CDC37: variants seen among roughly 807,000 people sequenced by gnomAD.
CDC37 encodes the protein cell division cycle 37, HSP90 cochaperone, also known as hsp90 co-chaperone Cdc37.
In CDC37, 9 loss-of-function variants were observed where a neutral mutation model predicts 46.9. That is an observed-to-expected ratio of 0.19 (90% CI 0.12 to 0.33). The LOEUF is 0.33. CDC37 is among the 10% of genes least tolerant of loss of function. CDC37 has a pLI of 1.00. For missense variants in CDC37, 388 were observed against 514.6 expected (o/e 0.75, Z 2.38); for synonymous variants, 193 against 191.0 (o/e 1.01, Z -0.09).
Position 10,396,090 on chromosome 19 carries a change from C to T in CDC37, c.216G>A (p.Glu72=). 1 of 1,614,092 alleles carries T rather than the reference C, an allele frequency of 6.2e-7. No homozygotes were observed. The highest frequency in any genetic ancestry group is 8.5e-7 in the Non-Finnish European group (1 of 1,179,982). The stretch of plus-strand genomic sequence containing the variant: ...GCTCTGCCTTGCCGCCCTCGGCCAC[C>T]TCCAGCTCCTTCAGTTTCCTCTGGC... ...AECQRKLKEL[E]VAEGGKAELE... The change falls in exon 2 of 8, where the codon GAG becomes GAA. Residue 72 remains glutamate (E), a synonymous_variant. Transcript: ENST00000222005. The surrounding 1 kb of genome is among the most constrained non-coding windows in gnomAD (Gnocchi z 5.9).
In CDC37 at chr19:10,398,161, A is replaced by G. The variant is rs1429432487; in HGVS notation, c.103-1958T>C. 6.6e-6 allele frequency among the ~76,000 whole-genome samples: 1 copy of G among 152,176 alleles called. No individual in the cohort carries two copies. Among genetic ancestry groups the G allele is most frequent in the Non-Finnish European group, 1.5e-5 (1 of 68,018 alleles). On this transcript the variant is annotated intron_variant, in intron 1 of 7. Transcript: ENST00000222005. The surrounding 1 kb of genome is among the most constrained non-coding windows in gnomAD (Gnocchi z 4.2). ...AGCCCATGCATTTGACCACGTGACC[A>G]GAGTCCTCCCCACTACATCTTGGGG...
intron 7 of CDC37, chr19:10,392,714 A>G (rs2042464125): frequency 1.8e-5 from 5 of 273,256 alleles, no homozygotes; most frequent in Non-Finnish European, 3.5e-5. Flanking sequence ...CTCAAAAACA[A>G]GTAGACAAAA....
rs1275665661 is a variant in CDC37, at chr19:10,396,710, A to G, written c.103-507T>C. 6.6e-6 allele frequency among the ~76,000 whole-genome samples: 1 copy of G among 152,086 alleles called. No individual in the cohort carries two copies. The highest frequency in any genetic ancestry group is 6.6e-5 in the Admixed American group (1 of 15,264). On this transcript the variant is annotated intron_variant, in intron 1 of 7. Transcript: ENST00000222005. The surrounding 1 kb of genome is among the most constrained non-coding windows in gnomAD (Gnocchi z 5.9). The stretch of plus-strand genomic sequence containing the variant: ...CTCAGTCTCCCAAGTAGCTGGGACT[A>G]CAGGTGTGCACCAGCACGCCCAGCT...
In CDC37 at chr19:10,393,428, T is replaced by C. The variant is rs753516808; in HGVS notation, c.740A>G (p.Gln247Arg). The C allele has an allele frequency of 6.2e-7, 1 of 1,612,392 alleles. No individual in the cohort carries two copies. The highest frequency in any genetic ancestry group is 1.1e-5 in the South Asian group (1 of 90,918). Residue 247 changes from glutamine (Q) to arginine (R), a missense_variant, in exon 6 of 8, where the codon CAG becomes CGG. Gln to Arg is a conservative substitution (Grantham distance 43). Around this residue, in one of 2 missense-constraint regions of CDC37, gnomAD observed 374 missense variants for 467.4 expected, o/e 0.80. Transcript: ENST00000222005. This position sits in a 1 kb window ranked among gnomAD's most constrained non-coding sequence, Gnocchi z 4.9. ...FFTKIKTADRQYMEGFNDELE... is the reference protein window; with the variant it reads ...FFTKIKTADRRYMEGFNDELE... Reference sequence around the variant, plus strand: ...CTCGTCGTTGAAGCCCTCCATGTACTGGCGATCGGCTGTCTATGGGGGTTG... The same window carrying C: ...CTCGTCGTTGAAGCCCTCCATGTACCGGCGATCGGCTGTCTATGGGGGTTG...
At chr19:10,397,314 G>A (rs1437903764) in intron 1 of CDC37, among the ~76,000 whole-genome samples, 4 of 151,402 alleles carry the variant, frequency 2.6e-5, no homozygotes, top group Non-Finnish European at 5.9e-5. Flanking sequence ...CTAGAGTGCA[G>A]TGGTGTGATA....
At position 10,402,273 on chromosome 19, in the gene CDC37, C is replaced by T. The variant is rs1019493914; in HGVS notation, c.102+1105G>A. Reference sequence around the variant, plus strand: ...TTAAGTCTTAGTCATCCCATTGGCTCGTGAGCACTGAGAGGGTGGTGGGAC... The same window carrying T: ...TTAAGTCTTAGTCATCCCATTGGCTTGTGAGCACTGAGAGGGTGGTGGGAC... On this transcript the variant is annotated intron_variant, in intron 1 of 7. Coordinates refer to ENST00000222005, the MANE Select transcript of CDC37 (RefSeq NM_007065.4). Among the ~76,000 whole-genome samples, 8 of 151,532 alleles carry T rather than the reference C, an allele frequency of 5.3e-5. No homozygotes were observed. The East Asian group carries it at 7.7e-4, about 15-fold the overall frequency.
At position 10,393,406 on chromosome 19, in the gene CDC37, G is replaced by C. The variant is rs773411962; in HGVS notation, c.762C>G (p.Asp254Glu). ...ADRQYMEGFNDELEAFKERVR... is the reference protein window; with the variant it reads ...ADRQYMEGFNEELEAFKERVR... ...CACGCTCCTTGAAGGCTTCCAGCTC[G>C]TCGTTGAAGCCCTCCATGTACTGGC... The change falls in exon 6 of 8, where the codon GAC becomes GAG. Residue 254 changes from aspartate (D) to glutamate (E), a missense_variant. Around this residue, in one of 2 missense-constraint regions of CDC37, gnomAD observed 374 missense variants for 467.4 expected, o/e 0.80. Coordinates refer to ENST00000222005, the MANE Select transcript of CDC37 (RefSeq NM_007065.4). This position sits in a 1 kb window ranked among gnomAD's most constrained non-coding sequence, Gnocchi z 4.9. 2.5e-6 allele frequency: 4 copies of C among 1,613,570 alleles called. No homozygotes were observed. The African/African-American group carries it at 5.3e-5, about 22-fold the overall frequency.
chr19:10,393,669 C>T lies in CDC37; in HGVS notation c.727-228G>A. The T allele has an allele frequency of 1.9e-6, 1 of 525,214 alleles. No homozygotes were observed. Among genetic ancestry groups the T allele is most frequent in the Non-Finnish European group, 3.4e-6 (1 of 298,182 alleles). 32.5% of individuals were successfully genotyped at this position (525,214 alleles called of 1,614,324 possible). ...GCCCTGCTCTACTGCAGATCTGAGA[C>T]ACTCATGTCCTCAGTGTCCCTGCAT... On this transcript the variant is annotated intron_variant, in intron 5 of 7. Transcript: ENST00000222005. The surrounding 1 kb of genome is among the most constrained non-coding windows in gnomAD (Gnocchi z 4.9).
intron 7 of CDC37, 113 bp from the exon 8 acceptor site, chr19:10,391,819 A>G: frequency 1.8e-6 from 2 of 1,103,922 alleles, no homozygotes; most frequent in Middle Eastern, 3.0e-4. Flanking sequence ...TATTTTACCT[A>G]TTTGAGACGG....
chr19:10,392,145 G>A (rs2042460724), intron 7 of CDC37, among the ~76,000 whole-genome samples: 1 of 152,108 alleles, frequency 6.6e-6, no homozygotes, highest in South Asian at 2.1e-4. Context: ...TTTAGATAGT[G>A]CAATCTAGAA....
chr19:10,400,419 C>T (rs559010675), intron 1 of CDC37, among the ~76,000 whole-genome samples: 4 of 152,150 alleles, frequency 2.6e-5, no homozygotes, highest in Non-Finnish European at 4.4e-5. Context: ...AGGTCTTAGG[C>T]CAGGCTTGGT....
rs759991798 is a variant in CDC37 at position 10,393,135 on chromosome 19, A to C, written c.932T>G (p.Val311Gly). 1.2e-6 allele frequency: 2 copies of C among 1,613,888 alleles called. No individual in the cohort carries two copies. The highest frequency in any genetic ancestry group is 1.7e-6 in the Non-Finnish European group (2 of 1,180,002). Residue 311 changes from valine (V) to glycine (G), a missense_variant, in exon 7 of 8, where the codon GTG becomes GGG. Val to Gly is a moderately radical substitution (Grantham distance 109). Coordinates refer to ENST00000222005, the MANE Select transcript of CDC37 (RefSeq NM_007065.4). This position sits in a 1 kb window ranked among gnomAD's most constrained non-coding sequence, Gnocchi z 4.9. The stretch of plus-strand genomic sequence containing the variant: ...GTCCTGCAGCATCTGCACGTCCTTC[A>C]CATCGAAGCACTTCTGGAGTTCCTG... ...LPEELQKCFD[V>G]KDVQMLQDAI...
rs910142894 is a variant in CDC37, at chr19:10,391,441, C to T, written c.*110G>A. 13 of 1,391,184 alleles carry T rather than the reference C, an allele frequency of 9.3e-6. No individual in the cohort carries two copies. The highest frequency in any genetic ancestry group is 1.2e-5 in the Non-Finnish European group (12 of 984,058). 86.2% of individuals were successfully genotyped at this position (1,391,184 alleles called of 1,614,324 possible). ...GCTGGGCGGGCCCCCCAGGCTGGGC[C>T]GAGCAGCGCAAGTAGAGGAAGTCAG... is the stretch of plus-strand genomic sequence containing the variant. On this transcript the variant is annotated 3_prime_UTR_variant, in exon 8 of 8. Transcript: ENST00000222005.
At position 10,395,957 on chromosome 19, in the gene CDC37, C is replaced by A. The variant is rs2042489455; in HGVS notation, c.349G>T (p.Asp117Tyr). The change falls in exon 2 of 8, where the codon GAC becomes TAC. Residue 117 changes from aspartate to tyrosine, a missense_variant. Transcript: ENST00000222005. ...KKEKSMPWNVDTLSKDGFSKS... is the reference protein window; with the variant it reads ...KKEKSMPWNVYTLSKDGFSKS... The stretch of plus-strand genomic sequence containing the variant: ...CTGAAGCCGTCTTTGCTGAGCGTGT[C>A]CACGTTCCAGGGCATGCTCTTCTCC... The A allele has an allele frequency of 7.4e-7, 1 of 1,354,736 alleles. No individual in the cohort carries two copies. Among genetic ancestry groups the A allele is most frequent in the Non-Finnish European group, 9.8e-7 (1 of 1,016,738 alleles). The allele number at this position is 1,354,736 out of a possible 1,614,324, so 83.9% of individuals were successfully genotyped here.
At position 10,393,598 on chromosome 19, in the gene CDC37, C is replaced by T. The variant is rs1271389231; in HGVS notation, c.727-157G>A. 4 of 702,454 alleles carry T rather than the reference C, an allele frequency of 5.7e-6. No homozygotes were observed. The highest frequency in any genetic ancestry group is 3.3e-5 in the Admixed American group (1 of 29,886). The allele number at this position is 702,454 out of a possible 1,614,324, so 43.5% of individuals were successfully genotyped here. ...GGGCTCCCCAAGGCCTGGGCTCCCC[C>T]GCCGGGGACCTCATCTGGCATTTGC... On this transcript the variant is annotated intron_variant, in intron 5 of 7. Transcript: ENST00000222005. This position sits in a 1 kb window ranked among gnomAD's most constrained non-coding sequence, Gnocchi z 4.9.
At chr19:10,397,648 AC>A (rs1233748639) in intron 1 of CDC37, among the ~76,000 whole-genome samples, 1 of 151,362 alleles carries the variant, frequency 6.6e-6, no homozygotes, top group Non-Finnish European at 1.5e-5. Flanking sequence ...CAAGTGATCC[AC>A]CCACCTTGGC....
In CDC37 at chr19:10,396,063, C is replaced by T. The variant is rs1390708079; in HGVS notation, c.243G>A (p.Leu81=). 7 of 1,613,920 alleles carry T rather than the reference C, an allele frequency of 4.3e-6. No homozygotes were observed. Among genetic ancestry groups the T allele is most frequent in the South Asian group, 1.1e-5 (1 of 91,078 alleles). The change falls in exon 2 of 8, where the codon CTG becomes CTA. Residue 81 remains leucine (L), a synonymous_variant. Coordinates refer to ENST00000222005, the MANE Select transcript of CDC37 (RefSeq NM_007065.4). The surrounding 1 kb of genome is among the most constrained non-coding windows in gnomAD (Gnocchi z 5.9). ...LEVAEGGKAE[L]ERLQAEAQQL... ...GCTGTGCCTCGGCCTGCAGGCGCTC[C>T]AGCTCTGCCTTGCCGCCCTCGGCCA...
chr19:10,395,526 C>T lies in CDC37; in HGVS notation c.396G>A (p.Lys132=), dbSNP rs1471390238. 1 of 1,613,990 alleles carries T rather than the reference C, an allele frequency of 6.2e-7. No homozygotes were observed. The highest frequency in any genetic ancestry group is 1.1e-5 in the South Asian group (1 of 91,090). ...DGFSKSMVNT[K]PEKTEEDSEE... ...CTGAGTCCTCCTCCGTCTTCTCGGG[C>T]TTGGTATTTACCATGCTCTGTGGTA... The change falls in exon 3 of 8, where the codon AAG becomes AAA. Residue 132 remains lysine, a synonymous_variant. Coordinates refer to ENST00000222005, the MANE Select transcript of CDC37 (RefSeq NM_007065.4).
chr19:10,398,355 T>C lies in CDC37; in HGVS notation c.103-2152A>G, dbSNP rs28382780. Among the ~76,000 whole-genome samples the C allele has an allele frequency of 0.059, 8,996 of 152,286 alleles. 358 individuals are homozygous for C. Among genetic ancestry groups the C allele is most frequent in the Non-Finnish European group, 0.088 (5,998 of 68,010 alleles). On this transcript the variant is annotated intron_variant, in intron 1 of 7. Transcript: ENST00000222005. This position sits in a 1 kb window ranked among gnomAD's most constrained non-coding sequence, Gnocchi z 4.2. ...CCCAAAACTCAGCTTCAACAGAGCC[T>C]TCCCCAAATGCTCCCTGCCTGAGGC...
Sources: gnomAD v4.1 joint callset for allele counts (sites outside exome capture counted in the v4.1 genomes callset) on GRCh38, gnomAD v4.1.1 for gene constraint, gnomAD v4.1.1 regional missense constraint, Gnocchi (gnomAD v3.1) non-coding constraint, MANE v1.5 for transcripts, NCBI Gene and HGNC (gene_info 2026-07-23, HGNC 2026-07-21) for gene names.